CLN6: variants seen among roughly 807,000 people sequenced by gnomAD.
The protein encoded by CLN6 is ceroid-lipofuscinosis neuronal protein 6.
A neutral mutation model predicts 33.3 loss-of-function variants in CLN6; 22 were observed. That is an observed-to-expected ratio of 0.66 (90% CI 0.47 to 0.94). The LOEUF (loss-of-function observed/expected upper bound fraction) is 0.94, where lower values mean the gene tolerates loss of function less well. CLN6 is among the 40% of genes least tolerant of loss of function. The pLI, the probability that CLN6 is intolerant of heterozygous loss-of-function variation, is 0.00. For synonymous variants in CLN6, 201 were observed against 174.6 expected (o/e 1.15, Z -1.19); for missense variants, 387 against 417.1 (o/e 0.93, Z 0.63).
chr15:68,214,640 T>G lies in CLN6; in HGVS notation c.199-252A>C, dbSNP rs6494721. 465,049 of 466,186 alleles carry G rather than the reference T, an allele frequency of 1. 231,973 individuals carry two copies. The highest frequency in any genetic ancestry group is 1 in the East Asian group (24,036 of 24,036). 28.9% of individuals were successfully genotyped at this position (466,186 alleles called of 1,614,324 possible). The stretch of plus-strand genomic sequence containing the variant: ...AGACACAGAGCAGATGCAATTCCAG[T>G]CAAGGCCTGACCCTGTGCCCCTCAC... On this transcript the variant is annotated intron_variant, in intron 2 of 6. Coordinates refer to ENST00000249806, the MANE Select transcript of CLN6 (RefSeq NM_017882.3).
chr15:68,243,748 C>G (rs1368971257), intron 1 of CLN6, among the ~76,000 whole-genome samples: 39 of 135,158 alleles, frequency 2.9e-4, no homozygotes, highest in Non-Finnish European at 1.8e-4. Context: ...GAGCAAGACT[C>G]TATCTCAAAA....
upstream of CLN6, chr15:68,229,767 A>AGCGGAGCGGG (rs769689015): frequency 1.1e-4 from 34 of 318,988 alleles, no homozygotes; most frequent in Admixed American, 1.2e-3. Context: ...AGCGGAGCGG[A>AGCGGAGCGGG]GCGGAGCGGA....
Position 68,209,779 on chromosome 15 carries a change from G to A in CLN6, c.543-20C>T, listed in dbSNP as rs752617180. On this transcript the variant is annotated intron_variant, in intron 5 of 6. Transcript: ENST00000249806. The surrounding 1 kb of genome is among the most constrained non-coding windows in gnomAD (Gnocchi z 4.9). Reference sequence around the variant, plus strand: ...ATGTACCTGTGACAGGAAGGCCAGTGTCTTAGAGGCCTGCTCAGCGGCCCT... The same window carrying A: ...ATGTACCTGTGACAGGAAGGCCAGTATCTTAGAGGCCTGCTCAGCGGCCCT... The A allele has an allele frequency of 1.2e-6, 2 of 1,612,238 alleles. No homozygotes were observed. The highest frequency in any genetic ancestry group is 1.1e-5 in the South Asian group (1 of 90,924).
chr15:68,249,945 G>C (rs1212234591), intron 1 of CLN6, among the ~76,000 whole-genome samples: 1 of 151,986 alleles, frequency 6.6e-6, no homozygotes. Flanking sequence ...GCTAATTTTT[G>C]TATTTTTAGT....
intron 1 of CLN6, among the ~76,000 whole-genome samples, chr15:68,240,986 A>C (rs1202984815): frequency 1.2e-3 from 168 of 144,774 alleles, no homozygotes; most frequent in Middle Eastern, 3.6e-3. Flanking sequence ...TCCATCTCCC[A>C]AAAAAAAAAA....
chr15:68,211,455 C>A lies in CLN6; in HGVS notation c.487-137G>T, dbSNP rs2093204944. ...CCACTGCCTTATTCCCTACCCGGGG[C>A]CTCGCCTTCTGTTACAGGGGCCCAG... On this transcript the variant is annotated intron_variant, in intron 4 of 6. Transcript: ENST00000249806. This position sits in a 1 kb window ranked among gnomAD's most constrained non-coding sequence, Gnocchi z 5.9. The A allele has an allele frequency of 2.0e-6, 3 of 1,526,066 alleles. No homozygotes were observed. The highest frequency in any genetic ancestry group is 9.0e-7 in the Non-Finnish European group (1 of 1,114,306). 94.5% of individuals were successfully genotyped at this position (1,526,066 alleles called of 1,614,324 possible). A position where few individuals can be genotyped will look rare whatever the true frequency, so the allele number is the denominator to read the frequency against.
At chr15:68,226,278 C>T (rs566988743) in intron 1 of CLN6, among the ~76,000 whole-genome samples, 20 of 146,880 alleles carry the variant, frequency 1.4e-4, no homozygotes, top group African/African-American at 5.1e-4. Flanking sequence ...GAGATCATGC[C>T]ACTGCACTCC....
chr15:68,249,491 C>T (rs1892356587), intron 1 of CLN6, among the ~76,000 whole-genome samples: 1 of 152,146 alleles, frequency 6.6e-6, no homozygotes, highest in African/African-American at 2.4e-5. Context: ...ACTGTTCAGC[C>T]ATGAAAAAGA....
chr15:68,252,346 C>G (rs940375354), intron 1 of CLN6, among the ~76,000 whole-genome samples: 3 of 151,876 alleles, frequency 2.0e-5, no homozygotes, highest in Non-Finnish European at 4.4e-5. Context: ...AGGCACTTTA[C>G]CAAAAAAGGA....
chr15:68,254,095 G>A (rs1892408141), intron 1 of CLN6, among the ~76,000 whole-genome samples: 3 of 151,954 alleles, frequency 2.0e-5, no homozygotes, highest in Admixed American at 2.0e-4. Context: ...TAGCCAGGAT[G>A]GTCTCGATCT....
intron 2 of CLN6, among the ~76,000 whole-genome samples, chr15:68,217,082 G>C (rs1485719993): frequency 1.3e-5 from 2 of 152,150 alleles, no homozygotes; most frequent in Non-Finnish European, 2.9e-5. Context: ...GTAAACATTC[G>C]ATGTTAGCCA....
upstream of CLN6, among the ~76,000 whole-genome samples, chr15:68,232,770 A>C (rs2141158342): frequency 6.6e-6 from 1 of 152,242 alleles, no homozygotes; most frequent in South Asian, 2.1e-4. The surrounding 1 kb of genome is among the most constrained non-coding windows in gnomAD (Gnocchi z 4.7). Flanking sequence ...GGCCATGCGC[A>C]GTGGCTCACA....
intron 1 of CLN6, among the ~76,000 whole-genome samples, chr15:68,226,176 G>A (rs965027772): frequency 2.6e-5 from 4 of 151,836 alleles, no homozygotes; most frequent in Admixed American, 2.0e-4. Flanking sequence ...AAAATTAGCT[G>A]GGCGTGGTGC....
chr15:68,235,593 T>A (rs1309453190), intron 1 of CLN6, among the ~76,000 whole-genome samples: 1,299 of 4,560 alleles, frequency 0.28, 16 homozygotes, highest in East Asian at 0.41. Flanking sequence ...AATAAATATA[T>A]ATATATATAT....
chr15:68,248,670 AAT>A (rs1291054250), intron 1 of CLN6, among the ~76,000 whole-genome samples: 3 of 151,864 alleles, frequency 2.0e-5, no homozygotes, highest in Non-Finnish European at 2.9e-5. Context: ...AAAAAAAAAA[AAT>A]CTAAGACCTA....
chr15:68,222,442 G>T (rs1251134638), intron 1 of CLN6, among the ~76,000 whole-genome samples: 1 of 132,830 alleles, frequency 7.5e-6, no homozygotes, highest in South Asian at 2.6e-4. Flanking sequence ...GCCTCTGCCC[G>T]GCCGCCCCGT....
chr15:68,224,265 C>CAAAAAA (rs34196710), intron 1 of CLN6, among the ~76,000 whole-genome samples: 3 of 46,732 alleles, frequency 6.4e-5, no homozygotes, highest in African/African-American at 3.8e-4. Flanking sequence ...GACCTTATTG[C>CAAAAAA]AAAAAAAAAA....
In CLN6 at chr15:68,241,653, T is replaced by A. The variant is rs756777569; in HGVS notation, c.179+15037A>T. On this transcript the variant is annotated intron_variant, in intron 1 of 6. Transcript: ENST00000538696. This position sits in a 1 kb window ranked among gnomAD's most constrained non-coding sequence, Gnocchi z 4.2. ...GATACTATCCCTAGCCCTAGAAACA[T>A]GGTTCTGTAACTCGGCCAAAGAAGA... Among the ~76,000 whole-genome samples, 1 of 152,104 alleles carries A rather than the reference T, an allele frequency of 6.6e-6. No individual in the cohort carries two copies. The highest frequency in any genetic ancestry group is 6.5e-5 in the Admixed American group (1 of 15,280).
chr15:68,238,843 G>C (rs1026701924), intron 1 of CLN6, among the ~76,000 whole-genome samples: 1 of 152,160 alleles, frequency 6.6e-6, no homozygotes, highest in Non-Finnish European at 1.5e-5. Context: ...CAATTATTAA[G>C]TATGTAAATA....
Sources: allele counts gnomAD v4.1 joint callset (sites outside exome capture counted in the v4.1 genomes callset), GRCh38; gene constraint gnomAD v4.1.1; non-coding constraint Gnocchi (gnomAD v3.1); transcripts MANE v1.5; gene names NCBI Gene and HGNC (gene_info 2026-07-23, HGNC 2026-07-21).